Variants in CES5A observed in about 807,000 individuals in gnomAD.
CES5A encodes the protein carboxylesterase 5.
In CES5A, 67 loss-of-function variants were observed where a neutral mutation model predicts 62.9. The observed-to-expected ratio is 1.07, with a 90% CI of 0.88 to 1.31. The LOEUF (loss-of-function observed/expected upper bound fraction) is 1.31, where lower values mean the gene tolerates loss of function less well. Among genes scored for constraint, CES5A ranks in the 50% most tolerant of loss-of-function variants. The pLI is 0.00. For synonymous variants in CES5A, 296 were observed against 280.8 expected (o/e 1.05, Z -0.54); for missense variants, 748 against 708.5 (o/e 1.06, Z -0.63).
chr16:55,905,456 C>T (rs1273082656), intron 1 of CES5A, among the ~76,000 whole-genome samples: 1 of 151,924 alleles, frequency 6.6e-6, no homozygotes, highest in Non-Finnish European at 1.5e-5. Context: ...AACCTCCGCC[C>T]CCCAAGTTCA....
At chr16:55,869,027 G>A (rs1228670605) in intron 4 of CES5A, among the ~76,000 whole-genome samples, 2 of 152,230 alleles carry the variant, frequency 1.3e-5, no homozygotes, top group African/African-American at 4.8e-5. Context: ...GTGATAGAGT[G>A]ATGATTCTCA....
chr16:55,955,909 C>G lies in CES5A; in HGVS notation c.-24G>C, dbSNP rs1402524916. On this transcript the variant is annotated 5_prime_UTR_variant, in exon 1 of 14. Transcript: ENST00000521992. ...ATCAGACTTGCCCTTGGTCCTAACACAAAACCTCAGCATCCCAGCTGGCCT... is the reference window on the plus strand; with the variant it reads ...ATCAGACTTGCCCTTGGTCCTAACAGAAAACCTCAGCATCCCAGCTGGCCT... 6.5e-6 allele frequency: 10 copies of G among 1,536,002 alleles called. 1 individual carries two copies. In the South Asian group the frequency reaches 9.5e-5, roughly 15 times the overall value.
intron 8 of CES5A, among the ~76,000 whole-genome samples, chr16:55,859,289 G>C (rs28431003): frequency 6.6e-6 from 1 of 152,240 alleles, no homozygotes; most frequent in Admixed American, 6.5e-5. Flanking sequence ...CAAATGGACC[G>C]ATCCCCTCTT....
intron 1 of CES5A, among the ~76,000 whole-genome samples, chr16:55,883,913 T>A (rs1174986098): frequency 6.6e-6 from 1 of 152,176 alleles, no homozygotes; most frequent in Non-Finnish European, 1.5e-5. Context: ...TTAGCTAAAG[T>A]TCCATTCACT....
intron 6 of CES5A, among the ~76,000 whole-genome samples, chr16:55,862,384 G>C (rs8048974): frequency 0.15 from 23,451 of 152,156 alleles, 2,155 homozygotes; most frequent in Middle Eastern, 0.28. Flanking sequence ...TCCATGGATT[G>C]CAGGATTTAA....
chr16:55,864,833 C>T (rs1346848915), intron 5 of CES5A, among the ~76,000 whole-genome samples: 1 of 151,644 alleles, frequency 6.6e-6, no homozygotes, highest in African/African-American at 2.4e-5. Context: ...TGCCTATGAC[C>T]AGGAGTTTGG....
intron 3 of CES5A, among the ~76,000 whole-genome samples, chr16:55,870,212 AG>A (rs1161005964): frequency 6.6e-6 from 1 of 151,890 alleles, no homozygotes; most frequent in Non-Finnish European, 1.5e-5. Flanking sequence ...AAGCAGCCCA[AG>A]GTGTTTCAGA....
At chr16:55,917,282 C>G (rs1483825109) in intron 1 of CES5A, among the ~76,000 whole-genome samples, 1 of 152,248 alleles carries the variant, frequency 6.6e-6, no homozygotes, top group Non-Finnish European at 1.5e-5. Flanking sequence ...TGCTGCCTCA[C>G]AAATTACCCC....
intron 10 of CES5A, among the ~76,000 whole-genome samples, chr16:55,851,411 G>A (rs2033130774): frequency 6.6e-6 from 1 of 151,998 alleles, no homozygotes; most frequent in Non-Finnish European, 1.5e-5. Context: ...CTAATAATTA[G>A]GAAAATGGAA....
intron 1 of CES5A, among the ~76,000 whole-genome samples, chr16:55,907,073 A>G (rs559915033): frequency 6.6e-6 from 1 of 152,328 alleles, no homozygotes; most frequent in South Asian, 2.1e-4. Flanking sequence ...AAGCTAGTTA[A>G]TTTTATTTGG....
rs964239873 is a variant in CES5A, at chr16:55,873,682, G to C, written c.278+151C>G. Reference sequence around the variant, plus strand: ...CCATCAGCCAGTTTAGGAGTCAGGGGATTACCAAACCACTCGCCCGAGTCT... The same window carrying C: ...CCATCAGCCAGTTTAGGAGTCAGGGCATTACCAAACCACTCGCCCGAGTCT... On this transcript the variant is annotated intron_variant, in intron 2 of 12. Coordinates refer to ENST00000290567, the MANE Select transcript of CES5A (RefSeq NM_001143685.2). 6 of 683,972 alleles carry C rather than the reference G, an allele frequency of 8.8e-6. No homozygotes were observed. The South Asian group carries it at 9.5e-5, about 11-fold the overall frequency. 42.4% of individuals were successfully genotyped at this position (683,972 alleles called of 1,614,324 possible).
At chr16:55,946,213 T>C (rs1032155245) in intron 2 of CES5A, among the ~76,000 whole-genome samples, 1 of 152,206 alleles carries the variant, frequency 6.6e-6, no homozygotes, top group African/African-American at 2.4e-5. Context: ...ATTTCTGCAA[T>C]GTCCATTTGG....
chr16:55,894,309 C>A (rs1025977943), intron 1 of CES5A, among the ~76,000 whole-genome samples: 2 of 151,732 alleles, frequency 1.3e-5, no homozygotes, highest in East Asian at 3.9e-4. Context: ...GAGTTCAAGA[C>A]CAGCCTGGCC....
At chr16:55,849,109 A>G (rs559061146) in intron 11 of CES5A, among the ~76,000 whole-genome samples, 1 of 152,288 alleles carries the variant, frequency 6.6e-6, no homozygotes, top group South Asian at 2.1e-4. Flanking sequence ...ACCTCATCTG[A>G]TTGGTTTATT....
intron 1 of CES5A, among the ~76,000 whole-genome samples, chr16:55,885,598 A>T (rs2033807714): frequency 6.6e-6 from 1 of 152,182 alleles, no homozygotes; most frequent in Admixed American, 6.6e-5. Flanking sequence ...GGGAGCCGGG[A>T]AGCCTATGTC....
chr16:55,944,896 T>C (rs1169552299), intron 2 of CES5A, among the ~76,000 whole-genome samples: 1 of 152,204 alleles, frequency 6.6e-6, no homozygotes, highest in Non-Finnish European at 1.5e-5. Context: ...CCAGGGCCCA[T>C]GCTGGAGTAA....
At chr16:55,944,387 G>A (rs1738414392) in intron 2 of CES5A, 4 of 373,930 alleles carry the variant, frequency 1.1e-5, no homozygotes, top group Admixed American at 3.7e-5. Context: ...TTTTTGGGGA[G>A]AGGGAAGCCA....
At chr16:55,954,377 A>G (rs1251585915) in intron 1 of CES5A, among the ~76,000 whole-genome samples, 1 of 152,254 alleles carries the variant, frequency 6.6e-6, no homozygotes, top group East Asian at 1.9e-4. Flanking sequence ...AATGGAAAAC[A>G]AAGCCTGGAG....
intron 1 of CES5A, among the ~76,000 whole-genome samples, chr16:55,950,961 G>T (rs183051022): frequency 6.6e-6 from 1 of 151,916 alleles, no homozygotes; most frequent in East Asian, 1.9e-4. Flanking sequence ...AATTAGCCAG[G>T]CGTGGTGGTG....
Sources: allele counts gnomAD v4.1 joint callset (sites outside exome capture counted in the v4.1 genomes callset), GRCh38; gene constraint gnomAD v4.1.1; transcripts MANE v1.5; gene names NCBI Gene and HGNC (gene_info 2026-07-23, HGNC 2026-07-21).